Variants in GRK3 observed in about 807,000 individuals in gnomAD.
GRK3 encodes adrenergic, beta, receptor kinase 2.
A neutral mutation model predicts 95.7 loss-of-function variants in GRK3; 54 were observed. The observed-to-expected ratio is 0.56, with a 90% CI of 0.45 to 0.71. The LOEUF (loss-of-function observed/expected upper bound fraction) is 0.71. GRK3 is among the 30% of genes least tolerant of loss of function. The pLI is 0.00. For missense variants in GRK3, 649 were observed against 851.2 expected, an observed-to-expected ratio of 0.76 and a Z score of 2.96; for synonymous variants, 281 against 290.8, an observed-to-expected ratio of 0.97 and a Z score of 0.34.
chr22:25,703,744 A>G (rs1436945816), intron 14 of GRK3, among the ~76,000 whole-genome samples, 168 bp downstream of exon 14: 2 of 152,262 alleles, frequency 1.3e-5, no homozygotes, highest in African/African-American at 4.8e-5. Flanking sequence ...TACAATTTCT[A>G]AAAGAATTTC....
At chr22:25,650,190 C>T (rs113891952) in intron 3 of GRK3, among the ~76,000 whole-genome samples, 2,884 of 151,956 alleles carry the variant, frequency 0.019, 44 homozygotes, top group Non-Finnish European at 0.028. Flanking sequence ...GAGTAGCACC[C>T]GCCACCACAC....
chr22:25,617,385 C>G (rs762878941), intron 2 of GRK3, among the ~76,000 whole-genome samples: 1 of 152,164 alleles, frequency 6.6e-6, no homozygotes, highest in African/African-American at 2.4e-5. Flanking sequence ...CCCTTTCTCT[C>G]AGTGTTGCCT....
At chr22:25,614,052 C>T (rs2331087) in intron 2 of GRK3, among the ~76,000 whole-genome samples, 1 of 152,004 alleles carries the variant, frequency 6.6e-6, no homozygotes, top group African/African-American at 2.4e-5. Flanking sequence ...AAGCACAATC[C>T]TTTAATATCT....
chr22:25,626,146 G>T (rs1313786020), intron 2 of GRK3, among the ~76,000 whole-genome samples: 1 of 152,160 alleles, frequency 6.6e-6, no homozygotes, highest in Non-Finnish European at 1.5e-5. Context: ...AGCCAGGATG[G>T]TCTTGATCTC....
chr22:25,705,837 A>G (rs2085295531), intron 15 of GRK3, among the ~76,000 whole-genome samples: 1 of 152,158 alleles, frequency 6.6e-6, no homozygotes, highest in African/African-American at 2.4e-5. Flanking sequence ...ATAGAATTCT[A>G]AGGAAGTAAT....
chr22:25,609,742 A>G (rs2146345675), intron 2 of GRK3, among the ~76,000 whole-genome samples: 1 of 152,298 alleles, frequency 6.6e-6, no homozygotes, highest in African/African-American at 2.4e-5. Flanking sequence ...ATTTTATAAT[A>G]CTGGCTTCAG....
In GRK3 at chr22:25,624,964, T is replaced by C. The variant is rs543581231; in HGVS notation, c.191-19628T>C. ...CGGAGTCTTGCTCTGTCTCCCAGGC[T>C]GGAGTGCAGTGACGTGATCTTGGCT... On this transcript the variant is annotated intron_variant, in intron 2 of 20. Coordinates refer to ENST00000324198, the MANE Select transcript of GRK3 (RefSeq NM_005160.4). Among the ~76,000 whole-genome samples the C allele has an allele frequency of 1.7e-4, 26 of 151,588 alleles. No homozygotes were observed. The East Asian group carries it at 4.9e-3, about 28-fold the overall frequency.
chr22:25,680,574 G>T (rs1428086496), intron 9 of GRK3, among the ~76,000 whole-genome samples: 1 of 152,178 alleles, frequency 6.6e-6, no homozygotes, highest in Non-Finnish European at 1.5e-5. Flanking sequence ...TGACTCAGGT[G>T]AGAGGAGATG....
intron 8 of GRK3, among the ~76,000 whole-genome samples, chr22:25,675,922 G>A (rs747292012): frequency 2.2e-4 from 34 of 152,226 alleles, no homozygotes; most frequent in Non-Finnish European, 4.9e-4. Flanking sequence ...GGGATCTGGA[G>A]TAAGGGTCCT....
chr22:25,709,857 C>T, intron 15 of GRK3, 41 bp from the exon 16 acceptor site: 2 of 1,464,336 alleles, frequency 1.4e-6, no homozygotes, highest in Non-Finnish European at 1.9e-6. Flanking sequence ...ATTACGTTTC[C>T]AAATGCATAC....
chr22:25,722,543 C>T lies in GRK3; in HGVS notation c.*93C>T, dbSNP rs940701469. ...ATGAGGCATCTGATCTATTCGCTAC[C>T]GGGACTCCTCCAGGCTCCCGAGAGG... On this transcript the variant is annotated 3_prime_UTR_variant, in exon 21 of 21. Coordinates refer to ENST00000324198, the MANE Select transcript of GRK3 (RefSeq NM_005160.4). 4.3e-5 allele frequency: 59 copies of T among 1,370,204 alleles called. No homozygotes were observed. Among genetic ancestry groups the T allele is most frequent in the African/African-American group, 7.2e-5 (5 of 69,222 alleles). The allele number at this position is 1,370,204 out of a possible 1,614,324, so 84.9% of individuals were successfully genotyped here.
intron 7 of GRK3, 131 bp from the exon 8 acceptor site, chr22:25,674,306 A>G (rs568634390): frequency 1.6e-5 from 10 of 641,474 alleles, no homozygotes; most frequent in East Asian, 3.1e-5. Flanking sequence ...TTAAAGACTC[A>G]GTCATGAAAA....
In GRK3 at chr22:25,725,495, G is replaced by A. The variant is rs2085466165; in HGVS notation, c.*3045G>A. 2.5e-6 allele frequency: 1 copy of A among 398,352 alleles called. No homozygotes were observed. The highest frequency in any genetic ancestry group is 2.1e-5 in the African/African-American group (1 of 48,596). The allele number at this position is 398,352 out of a possible 1,614,324, so 24.7% of individuals were successfully genotyped here. ...CTCTTTGGTTCATTCATCCCCTCAT[G>A]TCATGGGGGCTCATTGGTTTTCCTT... is the stretch of plus-strand genomic sequence containing the variant. On this transcript the variant is annotated 3_prime_UTR_variant, in exon 21 of 21. Transcript: ENST00000324198.
At chr22:25,646,098 T>A (rs1254975881) in intron 3 of GRK3, among the ~76,000 whole-genome samples, 2 of 152,054 alleles carry the variant, frequency 1.3e-5, no homozygotes, top group Non-Finnish European at 2.9e-5. Context: ...ATATAAGGAC[T>A]CTATAGTGTT....
chr22:25,626,232 G>A (rs2084627366), intron 2 of GRK3, among the ~76,000 whole-genome samples: 2 of 152,172 alleles, frequency 1.3e-5, no homozygotes, highest in Admixed American at 1.3e-4. Flanking sequence ...CCAGGCCGAT[G>A]ATGATTCTCT....
chr22:25,605,617 G>A (rs1601467503), intron 2 of GRK3, among the ~76,000 whole-genome samples: 3 of 152,332 alleles, frequency 2.0e-5, no homozygotes, highest in Non-Finnish European at 1.5e-5. Flanking sequence ...CACATTGAAA[G>A]TAAACAGTTG....
chr22:25,638,868 T>G (rs1372552000), intron 2 of GRK3, among the ~76,000 whole-genome samples: 1 of 152,186 alleles, frequency 6.6e-6, no homozygotes, highest in Non-Finnish European at 1.5e-5. Context: ...TGTCAATATT[T>G]AACTTAGCCA....
chr22:25,645,541 C>G (rs891375214), intron 3 of GRK3, among the ~76,000 whole-genome samples: 3 of 152,146 alleles, frequency 2.0e-5, no homozygotes, highest in African/African-American at 7.2e-5. Context: ...AAGAGCTAAG[C>G]TGAAAACTTG....
At chr22:25,708,036 G>A (rs1199066995) in intron 15 of GRK3, among the ~76,000 whole-genome samples, 7 of 152,046 alleles carry the variant, frequency 4.6e-5, no homozygotes, top group African/African-American at 2.4e-5. Flanking sequence ...AGGAGTTTGC[G>A]ACCAGCCTGA....
Sources: allele counts gnomAD v4.1 joint callset (sites outside exome capture counted in the v4.1 genomes callset), GRCh38; gene constraint gnomAD v4.1.1; transcripts MANE v1.5; gene names NCBI Gene and HGNC (gene_info 2026-07-23, HGNC 2026-07-21).